The following SLCO4C1 variants were observed in gnomAD, a reference collection of about 807,000 sequenced individuals.
The protein encoded by SLCO4C1 is organic anion transporter M1.
SLCO4C1 carries 58 observed loss-of-function variants against 72.1 expected under a neutral mutation model. That is an observed-to-expected ratio of 0.80 (90% CI 0.65 to 1.00). The LOEUF is 1.00. SLCO4C1 is among the 50% of genes least tolerant of loss of function. SLCO4C1 has a pLI of 0.00. For missense variants in SLCO4C1, 898 were observed against 857.9 expected, an observed-to-expected ratio of 1.05 and a Z score of -0.58; for synonymous variants, 297 against 312.5, an observed-to-expected ratio of 0.95 and a Z score of 0.52.
intron 2 of SLCO4C1, among the ~76,000 whole-genome samples, chr5:102,276,051 G>C (rs72777959): frequency 0.013 from 2,000 of 152,176 alleles, 20 homozygotes; most frequent in Non-Finnish European, 0.02. Flanking sequence ...TGCACACTTG[G>C]GACCTCTTTC....
At chr5:102,255,795 T>C (rs1748823486) in intron 8 of SLCO4C1, among the ~76,000 whole-genome samples, 1 of 151,612 alleles carries the variant, frequency 6.6e-6, no homozygotes, top group South Asian at 2.1e-4. Context: ...TTTTTTTTAA[T>C]CTCCCATTAC....
intron 6 of SLCO4C1, 75 bp from the exon 7 acceptor site, chr5:102,258,162 T>G (rs1748873927): frequency 2.4e-6 from 3 of 1,229,480 alleles, no homozygotes; most frequent in Admixed American, 6.0e-5. Context: ...AAGGTTAGCA[T>G]GATGAAATAA....
At chr5:102,271,466 G>A (rs116465088) in intron 2 of SLCO4C1, among the ~76,000 whole-genome samples, 3,033 of 151,680 alleles carry the variant, frequency 0.02, 101 homozygotes, top group African/African-American at 0.07. Flanking sequence ...GAGTGAAACT[G>A]CTAGGTCAAA....
chr5:102,255,312 G>A (rs1217446394), intron 8 of SLCO4C1, among the ~76,000 whole-genome samples: 1 of 152,134 alleles, frequency 6.6e-6, no homozygotes, highest in Admixed American at 6.6e-5. Flanking sequence ...ACACCTGGTA[G>A]TAACTATTAT....
At chr5:102,265,427 T>C (rs1278470369) in intron 3 of SLCO4C1, among the ~76,000 whole-genome samples, 1 of 152,182 alleles carries the variant, frequency 6.6e-6, no homozygotes, top group Non-Finnish European at 1.5e-5. Context: ...CCCTATGTTT[T>C]CCTCTGGTAA....
intron 2 of SLCO4C1, among the ~76,000 whole-genome samples, chr5:102,287,757 T>C (rs1580268481): frequency 6.6e-6 from 1 of 151,994 alleles, no homozygotes; most frequent in Non-Finnish European, 1.5e-5. Context: ...GGTTTCACTG[T>C]GTTGGCCAGG....
At chr5:102,256,163 C>G (rs1004631725) in intron 8 of SLCO4C1, among the ~76,000 whole-genome samples, 1 of 152,054 alleles carries the variant, frequency 6.6e-6, no homozygotes, top group Non-Finnish European at 1.5e-5. Flanking sequence ...AAGACTGTGC[C>G]ACTGCACTCC....
chr5:102,260,459 C>T (rs190896230), intron 5 of SLCO4C1, 140 bp from the exon 6 acceptor site: 359 of 190,782 alleles, frequency 1.9e-3, no homozygotes, highest in East Asian at 9.4e-3. Flanking sequence ...ACTTTTTAAC[C>T]GACACATACT....
At chr5:102,255,761 A>G (rs1297290527) in intron 8 of SLCO4C1, among the ~76,000 whole-genome samples, 1 of 139,972 alleles carries the variant, frequency 7.1e-6, no homozygotes, top group Non-Finnish European at 1.5e-5. Flanking sequence ...TGAAAAGCTC[A>G]CCTTCTTTTC....
intron 2 of SLCO4C1, among the ~76,000 whole-genome samples, chr5:102,278,952 G>A (rs1098806): frequency 0.8 from 120,622 of 151,300 alleles, 48,423 homozygotes; most frequent in African/African-American, 0.9. Context: ...AATAATAATA[G>A]AATAAATTTA....
chr5:102,250,973 T>G (rs1485356518), intron 8 of SLCO4C1, among the ~76,000 whole-genome samples: 1 of 150,856 alleles, frequency 6.6e-6, no homozygotes, highest in Non-Finnish European at 1.5e-5. Flanking sequence ...GGCAACAGAG[T>G]GAGACTCCAT....
In SLCO4C1 at chr5:102,240,891, T is replaced by C. The variant is rs971012508; in HGVS notation, c.1812-109A>G. 15 of 692,970 alleles carry C rather than the reference T, an allele frequency of 2.2e-5. No homozygotes were observed. The Admixed American group carries it at 3.6e-4, about 17-fold the overall frequency. The allele number at this position is 692,970 out of a possible 1,614,324, so 42.9% of individuals were successfully genotyped here. A position where few individuals can be genotyped will look rare whatever the true frequency, so the allele number is the denominator to read the frequency against. On this transcript the variant is annotated intron_variant, in intron 10 of 12. Transcript: ENST00000310954. ...AGCATTCCTATATTAAAGTAAATGT[T>C]GTAAACGCAAAATAATGCATTTGTA...
intron 1 of SLCO4C1, among the ~76,000 whole-genome samples, chr5:102,295,534 A>G (rs1178407232): frequency 6.6e-6 from 1 of 152,230 alleles, no homozygotes; most frequent in Non-Finnish European, 1.5e-5. Context: ...ATACCTTTAA[A>G]GAGTGCCTAG....
intron 8 of SLCO4C1, among the ~76,000 whole-genome samples, chr5:102,254,252 C>T (rs1433259091): frequency 6.6e-6 from 1 of 152,062 alleles, no homozygotes; most frequent in Non-Finnish European, 1.5e-5. Flanking sequence ...TTTTATTGTA[C>T]TTTGCAAATC....
rs1748495100 is a variant in SLCO4C1, at chr5:102,239,302, C to G, written c.1963G>C (p.Ala655Pro). ...WDINDCGIKGACWIYDNIKMA... is the reference protein window; with the variant it reads ...WDINDCGIKGPCWIYDNIKMA... Reference sequence around the variant, plus strand: ...TTGATGTTATCATAAATCCAGCAAGCTCCTTTAATTCCACAATCATTTATA... The same window carrying G: ...TTGATGTTATCATAAATCCAGCAAGGTCCTTTAATTCCACAATCATTTATA... The change falls in exon 12 of 13, where the codon GCT (alanine) becomes CCT (proline). Residue 655 changes from alanine to proline, a missense_variant. By Grantham distance (27) the Ala-to-Pro change is conservative. Coordinates refer to ENST00000310954, the MANE Select transcript of SLCO4C1 (RefSeq NM_180991.5). 6.2e-7 allele frequency: 1 copy of G among 1,600,742 alleles called. No individual in the cohort carries two copies. Among genetic ancestry groups the G allele is most frequent in the Non-Finnish European group, 8.5e-7 (1 of 1,173,736 alleles).
intron 3 of SLCO4C1, among the ~76,000 whole-genome samples, chr5:102,264,964 T>G (rs1749009643): frequency 6.6e-6 from 1 of 152,072 alleles, no homozygotes; most frequent in South Asian, 2.1e-4. Flanking sequence ...AGGATTCTTT[T>G]TTTTTTATGG....
intron 1 of SLCO4C1, among the ~76,000 whole-genome samples, chr5:102,293,745 CT>C (rs34919695): frequency 1.3e-5 from 2 of 151,692 alleles, no homozygotes; most frequent in Non-Finnish European, 1.5e-5. Context: ...TATTATTATA[CT>C]TTTTTTTGAG....
chr5:102,246,441 T>A (rs541790310), intron 10 of SLCO4C1, among the ~76,000 whole-genome samples: 2 of 152,012 alleles, frequency 1.3e-5, no homozygotes, highest in Admixed American at 1.3e-4. Context: ...CCTACCAAGA[T>A]GGAATCAAGA....
At chr5:102,246,730 G>A (rs1748642320) in intron 10 of SLCO4C1, among the ~76,000 whole-genome samples, 1 of 152,122 alleles carries the variant, frequency 6.6e-6, no homozygotes, top group Non-Finnish European at 1.5e-5. Flanking sequence ...TGACTCTATG[G>A]AAGGACAGGT....
Sources: gnomAD v4.1 joint callset for allele counts (sites outside exome capture counted in the v4.1 genomes callset) on GRCh38, gnomAD v4.1.1 for gene constraint, MANE v1.5 for transcripts, NCBI Gene and HGNC (gene_info 2026-07-23, HGNC 2026-07-21) for gene names.